The following HPSE2 variants were observed in gnomAD, a reference collection of about 807,000 sequenced individuals.
HPSE2 encodes the protein inactive heparanase-2.
HPSE2 carries 38 observed loss-of-function variants against 60.5 expected under a neutral mutation model. The ratio of observed to expected loss-of-function variants is 0.63; its 90% confidence interval spans 0.48 to 0.82. The LOEUF (loss-of-function observed/expected upper bound fraction) is 0.82. Ranked by LOEUF, HPSE2 falls within the 40% of genes least tolerant of loss-of-function variation. The pLI, the probability that HPSE2 is intolerant of heterozygous loss-of-function variation, is 0.00. For missense variants in HPSE2, 713 were observed against 740.4 expected (o/e 0.96, Z 0.43); for synonymous variants, 295 against 293.2 (o/e 1.01, Z -0.06).
intron 9 of HPSE2, among the ~76,000 whole-genome samples, chr10:98,591,570 G>A (rs190647456): frequency 6.6e-6 from 1 of 152,246 alleles, no homozygotes; most frequent in East Asian, 1.9e-4. Context: ...GTTGAGGCAC[G>A]AGAACTGCTT....
intron 3 of HPSE2, among the ~76,000 whole-genome samples, chr10:98,946,248 T>C (rs10883229): frequency 6.6e-5 from 10 of 151,726 alleles, no homozygotes; most frequent in African/African-American, 2.4e-4. Flanking sequence ...GGTGGGAGGA[T>C]TGCTTGAGGT....
At chr10:99,088,395 G>A (rs932854830) in intron 3 of HPSE2, among the ~76,000 whole-genome samples, 2 of 152,014 alleles carry the variant, frequency 1.3e-5, no homozygotes, top group Non-Finnish European at 2.9e-5. Context: ...AAAGTCCATT[G>A]TATCATTCTT....
At chr10:98,945,239 T>C (rs1453171125) in intron 3 of HPSE2, among the ~76,000 whole-genome samples, 1 of 152,172 alleles carries the variant, frequency 6.6e-6, no homozygotes, top group Non-Finnish European at 1.5e-5. Context: ...CTGATTAACA[T>C]GTTTTCTTCT....
rs949615679 is a variant in HPSE2, at chr10:98,557,218, GA to G, written c.1320+57685del. On this transcript the variant is annotated intron_variant, in intron 9 of 11. Transcript: ENST00000370552. Reference sequence around the variant, plus strand: ...ACAGAGCAAGACTCTGTCTCCAAAGGAAAAAAAAAATTAAGCTATAGTAATT... The same window carrying G: ...ACAGAGCAAGACTCTGTCTCCAAAGGAAAAAAAAATTAAGCTATAGTAATT... Among the ~76,000 whole-genome samples the G allele has an allele frequency of 5.6e-3, 828 of 148,718 alleles. 13 individuals are homozygous for G. The highest frequency in any genetic ancestry group is 0.019 in the African/African-American group (776 of 40,592).
chr10:99,299,156 G>A, the HPSE2 span, among the ~76,000 whole-genome samples: 1 of 152,008 alleles, frequency 6.6e-6, no homozygotes. Context: ...CCCTAGTTCT[G>A]AGAGGGGCCC....
At chr10:98,489,414 C>T (rs887184141) in intron 10 of HPSE2, among the ~76,000 whole-genome samples, 29 of 152,326 alleles carry the variant, frequency 1.9e-4, no homozygotes, top group Middle Eastern at 3.4e-3. Context: ...GATAACCCCA[C>T]ACTACCACAT....
At chr10:98,915,087 T>A (rs1019185993) in intron 3 of HPSE2, among the ~76,000 whole-genome samples, 3 of 151,978 alleles carry the variant, frequency 2.0e-5, no homozygotes, top group African/African-American at 7.2e-5. Flanking sequence ...TTCTTCTATA[T>A]ACTTATATAA....
intron 3 of HPSE2, among the ~76,000 whole-genome samples, chr10:99,130,215 A>G (rs970573144): frequency 1.3e-5 from 2 of 152,182 alleles, no homozygotes. Context: ...AATAATTGGT[A>G]GCAATCCTAC....
intron 9 of HPSE2, among the ~76,000 whole-genome samples, chr10:98,539,504 G>A (rs1248102046): frequency 2.6e-4 from 39 of 152,254 alleles, no homozygotes; most frequent in Admixed American, 2.6e-3. Flanking sequence ...CTGGGCGACA[G>A]AGCGAGACTC....
chr10:99,223,934 T>C (rs1037078403), intron 2 of HPSE2, among the ~76,000 whole-genome samples: 12 of 152,100 alleles, frequency 7.9e-5, no homozygotes, highest in African/African-American at 2.7e-4. Context: ...GGGAGATGTG[T>C]GTTCAACATG....
chr10:99,137,297 G>A (rs986032553), intron 3 of HPSE2, among the ~76,000 whole-genome samples: 1 of 152,102 alleles, frequency 6.6e-6, no homozygotes, highest in Non-Finnish European at 1.5e-5. Flanking sequence ...AATCAATATC[G>A]TGAAAATGGC....
chr10:99,028,079 A>G (rs191686709), intron 3 of HPSE2, among the ~76,000 whole-genome samples: 135 of 152,322 alleles, frequency 8.9e-4, no homozygotes, highest in Admixed American at 1.8e-3. Context: ...CCTTTCCTCT[A>G]AGATTTGGAA....
chr10:98,641,873 A>G lies in HPSE2; in HGVS notation c.1072T>C (p.Ser358Pro). ...TTCTGAATTTTCCTAATCTGGTCAG[A>G]GAGTGTGTCTAACAGGCGAGTTTTC... ...FLKTRLLDTL[S>P]DQIRKIQKVV... is the part of the protein sequence containing the mutation. The change falls in exon 7 of 12, where the codon TCT becomes CCT. Residue 358 changes from serine to proline, a missense_variant. Transcript: ENST00000370552. The G allele has an allele frequency of 6.2e-7, 1 of 1,613,836 alleles. No homozygotes were observed. The highest frequency in any genetic ancestry group is 1.7e-5 in the Admixed American group (1 of 60,028).
chr10:98,866,621 A>T (rs1952593959), intron 3 of HPSE2, among the ~76,000 whole-genome samples: 1 of 152,116 alleles, frequency 6.6e-6, no homozygotes, highest in African/African-American at 2.4e-5. Context: ...GAGAAGAAAA[A>T]CACATTACCT....
At chr10:98,831,009 T>A (rs1951671025) in intron 3 of HPSE2, among the ~76,000 whole-genome samples, 1 of 152,176 alleles carries the variant, frequency 6.6e-6, no homozygotes, top group Non-Finnish European at 1.5e-5. Flanking sequence ...CTTAATTTAG[T>A]CTGCTCCAGA....
intron 9 of HPSE2, among the ~76,000 whole-genome samples, chr10:98,503,736 T>C (rs182006726): frequency 3.1e-4 from 47 of 152,308 alleles, no homozygotes; most frequent in African/African-American, 1.1e-3. Context: ...GACTGGAGGC[T>C]ATTATTCTAA....
At chr10:98,592,424 T>G (rs947121130) in intron 9 of HPSE2, among the ~76,000 whole-genome samples, 10 of 152,214 alleles carry the variant, frequency 6.6e-5, no homozygotes. Context: ...AAATCCTCTA[T>G]TTCTGATTAT....
chr10:99,174,472 T>G (rs986062935), intron 2 of HPSE2, among the ~76,000 whole-genome samples: 2 of 152,242 alleles, frequency 1.3e-5, no homozygotes, highest in African/African-American at 4.8e-5. Flanking sequence ...CAAGCCTCCC[T>G]GTTATGGTGA....
intron 2 of HPSE2, among the ~76,000 whole-genome samples, chr10:99,202,665 A>G (rs1848614824): frequency 6.6e-6 from 1 of 152,144 alleles, no homozygotes; most frequent in South Asian, 2.1e-4. Flanking sequence ...ATTAAATGAG[A>G]TAAAATATAA....
Sources: allele counts gnomAD v4.1 joint callset (sites outside exome capture counted in the v4.1 genomes callset), GRCh38; gene constraint gnomAD v4.1.1; transcripts MANE v1.5; gene names NCBI Gene and HGNC (gene_info 2026-07-23, HGNC 2026-07-21).